Variants in NRXN3 observed in about 807,000 individuals in gnomAD.
NRXN3 encodes the protein neurexin 3, also known as neurexin III.
A neutral mutation model predicts 137.6 loss-of-function variants in NRXN3; 32 were observed. That is an observed-to-expected ratio of 0.23 (90% CI 0.18 to 0.31). The LOEUF (loss-of-function observed/expected upper bound fraction) is 0.31, where lower values mean the gene tolerates loss of function less well. NRXN3 is among the 10% of genes least tolerant of loss of function. The pLI is 1.00. For synonymous variants in NRXN3, 798 were observed against 784.5 expected (o/e 1.02, Z -0.29); for missense variants, 1,574 against 2,062.5 (o/e 0.76, Z 4.59).
chr14:79,748,790 A>T (rs2098987667), intron 19 of NRXN3, among the ~76,000 whole-genome samples: 1 of 152,074 alleles, frequency 6.6e-6, no homozygotes, highest in Non-Finnish European at 1.5e-5. Flanking sequence ...GCTATTGTCA[A>T]ATGTACAAAT....
intron 15 of NRXN3, among the ~76,000 whole-genome samples, chr14:79,233,801 A>T (rs2072713969): frequency 6.6e-6 from 1 of 152,044 alleles, no homozygotes; most frequent in Non-Finnish European, 1.5e-5. Flanking sequence ...AAATTTAATT[A>T]AGAGTAACAA....
At chr14:79,472,467 T>C (rs2096522518) in intron 16 of NRXN3, among the ~76,000 whole-genome samples, 1 of 152,204 alleles carries the variant, frequency 6.6e-6, no homozygotes, top group South Asian at 2.1e-4. Flanking sequence ...TCACATTCCA[T>C]GATGCAATAT....
chr14:79,299,700 T>C (rs1420685432), intron 15 of NRXN3, among the ~76,000 whole-genome samples: 1 of 152,052 alleles, frequency 6.6e-6, no homozygotes, highest in African/African-American at 2.4e-5. Context: ...ACCTGTATCA[T>C]GATTATAAGT....
intron 16 of NRXN3, among the ~76,000 whole-genome samples, chr14:79,594,469 A>G (rs1230441546): frequency 6.6e-6 from 1 of 152,230 alleles, no homozygotes; most frequent in Non-Finnish European, 1.5e-5. Context: ...TAAATATTAT[A>G]TACTTTTGGT....
intron 16 of NRXN3, among the ~76,000 whole-genome samples, chr14:79,532,221 A>C (rs2097175843): frequency 6.6e-6 from 1 of 152,212 alleles, no homozygotes; most frequent in South Asian, 2.1e-4. Context: ...ACACGTGTGT[A>C]TGTCTTTATG....
intron 10 of NRXN3, among the ~76,000 whole-genome samples, chr14:78,817,341 G>T (rs1032913226): frequency 3.9e-5 from 6 of 152,150 alleles, no homozygotes; most frequent in African/African-American, 1.4e-4. Flanking sequence ...TGAACTTGAG[G>T]CATTAAATTA....
chr14:79,279,942 C>T (rs1051867639), intron 15 of NRXN3: 2 of 1,095,120 alleles, frequency 1.8e-6, no homozygotes, highest in Non-Finnish European at 2.2e-6. Flanking sequence ...GTTAAGTCAT[C>T]AGACTCGAAG....
chr14:79,157,597 G>T (rs1322954354), intron 15 of NRXN3, among the ~76,000 whole-genome samples: 1 of 151,792 alleles, frequency 6.6e-6, no homozygotes, highest in Non-Finnish European at 1.5e-5. Flanking sequence ...TAGATTCCCT[G>T]TCTAAGGGAA....
intron 1 of NRXN3, among the ~76,000 whole-genome samples, chr14:78,208,671 CTG>C (rs2062443948): frequency 6.6e-6 from 1 of 152,174 alleles, no homozygotes; most frequent in Non-Finnish European, 1.5e-5. Context: ...CCTCCAAGCT[CTG>C]TGACTCTGGG....
intron 15 of NRXN3, among the ~76,000 whole-genome samples, chr14:79,245,585 A>G (rs777425643): frequency 5.9e-5 from 9 of 152,158 alleles, no homozygotes; most frequent in Non-Finnish European, 1.3e-4. Context: ...CGTCTTAACT[A>G]TTTTGATGAC....
chr14:78,228,760 C>G (rs1385480350), intron 1 of NRXN3, among the ~76,000 whole-genome samples: 1 of 152,170 alleles, frequency 6.6e-6, no homozygotes. Context: ...TAGCTCTTAA[C>G]TGAATCCCAG....
At chr14:78,645,541 A>G in intron 5 of NRXN3, 120 bp downstream of exon 5, 1 of 783,160 alleles carries the variant, frequency 1.3e-6, no homozygotes, top group East Asian at 2.8e-5. Context: ...TGGAGATGTT[A>G]ACGTCTAACT....
chr14:79,466,898 A>G (rs890099362), intron 15 of NRXN3, among the ~76,000 whole-genome samples: 1 of 152,212 alleles, frequency 6.6e-6, no homozygotes, highest in Non-Finnish European at 1.5e-5. Context: ...GAGGAAGACC[A>G]GAAAGTTGTT....
chr14:79,613,396 A>C (rs1001121754), intron 16 of NRXN3, among the ~76,000 whole-genome samples: 5 of 152,156 alleles, frequency 3.3e-5, no homozygotes, highest in Non-Finnish European at 7.3e-5. Flanking sequence ...TAAGAGGAAA[A>C]AGCTTAATTC....
intron 4 of NRXN3, among the ~76,000 whole-genome samples, chr14:78,458,654 G>A (rs1056328960): frequency 6.6e-6 from 1 of 152,182 alleles, no homozygotes; most frequent in Non-Finnish European, 1.5e-5. Context: ...TTCGTACAAA[G>A]CAAGTTCTTA....
intron 4 of NRXN3, among the ~76,000 whole-genome samples, chr14:78,325,543 T>C (rs1005993196): frequency 2.0e-5 from 3 of 152,178 alleles, no homozygotes; most frequent in Non-Finnish European, 4.4e-5. Context: ...ATGTTATCTA[T>C]TATTATCGTT....
chr14:79,807,383 A>G (rs1490127865), intron 20 of NRXN3, among the ~76,000 whole-genome samples: 1 of 152,148 alleles, frequency 6.6e-6, no homozygotes, highest in Non-Finnish European at 1.5e-5. Context: ...TGCCTCAGAA[A>G]GTCATCTCCA....
At chr14:79,303,133 C>T (rs1287247380) in intron 15 of NRXN3, among the ~76,000 whole-genome samples, 5 of 152,044 alleles carry the variant, frequency 3.3e-5, no homozygotes, top group Non-Finnish European at 4.4e-5. Flanking sequence ...TGCCCTCCTA[C>T]TGCGCTACCC....
At chr14:78,835,351 G>A (rs1416389192) in intron 10 of NRXN3, among the ~76,000 whole-genome samples, 1 of 152,164 alleles carries the variant, frequency 6.6e-6, no homozygotes, top group African/African-American at 2.4e-5. Flanking sequence ...GTGGTGGCTG[G>A]TGGCGGCGGT....
Sources: allele counts gnomAD v4.1 joint callset (sites outside exome capture counted in the v4.1 genomes callset), GRCh38; gene constraint gnomAD v4.1.1; transcripts MANE v1.5; gene names NCBI Gene and HGNC (gene_info 2026-07-23, HGNC 2026-07-21).